ACYP2: variants seen among roughly 807,000 people sequenced by gnomAD.
The protein encoded by ACYP2 is acylphosphatase-2.
In ACYP2, 12 loss-of-function variants were observed where a neutral mutation model predicts 11.2. The observed-to-expected ratio is 1.08, with a 90% CI of 0.69 to 1.74. ACYP2 has a LOEUF of 1.74. Ranked by LOEUF, ACYP2 falls within the 40% of genes most tolerant of loss-of-function variation. ACYP2 has a pLI of 0.00. For missense variants in ACYP2, 134 were observed against 101.9 expected, an observed-to-expected ratio of 1.31 and a Z score of -1.35; for synonymous variants, 43 against 32.2, an observed-to-expected ratio of 1.33 and a Z score of -1.13.
intron 6 of ACYP2, among the ~76,000 whole-genome samples, chr2:54,169,001 G>A (rs1683121766): frequency 6.6e-6 from 1 of 152,192 alleles, no homozygotes; most frequent in Non-Finnish European, 1.5e-5. Context: ...GTTGGGATTT[G>A]TAAAGCTTGG....
chr2:54,118,332 C>G (rs6713088), intron 4 of ACYP2, among the ~76,000 whole-genome samples: 72,537 of 152,052 alleles, frequency 0.48, 17,401 homozygotes, highest in African/African-American at 0.52. Flanking sequence ...CCACTAGAGA[C>G]AAATGGCAGT....
intron 6 of ACYP2, among the ~76,000 whole-genome samples, chr2:54,157,241 C>CT (rs908532613): frequency 1.9e-4 from 29 of 152,062 alleles, no homozygotes; most frequent in African/African-American, 7.0e-4. Context: ...AATATAATCC[C>CT]TTATTATTTT....
chr2:54,220,021 G>A (rs1685737918), intron 6 of ACYP2, among the ~76,000 whole-genome samples: 1 of 150,578 alleles, frequency 6.6e-6, no homozygotes, highest in South Asian at 2.1e-4. Context: ...GATTACAGGT[G>A]CAAGCCACCA....
At chr2:54,136,054 G>A (rs765512156) in intron 5 of ACYP2, among the ~76,000 whole-genome samples, 12 of 151,996 alleles carry the variant, frequency 7.9e-5, no homozygotes, top group Non-Finnish European at 1.0e-4. Flanking sequence ...TGCCTGCTAC[G>A]ACATCCAGCT....
At chr2:54,009,850 T>A (rs1379907449) in intron 2 of ACYP2, among the ~76,000 whole-genome samples, 1 of 152,202 alleles carries the variant, frequency 6.6e-6, no homozygotes, top group Non-Finnish European at 1.5e-5. Context: ...ATGAATTATC[T>A]ATTTAAACCT....
At chr2:54,289,144 A>G (rs1689200219) in intron 6 of ACYP2, among the ~76,000 whole-genome samples, 1 of 152,086 alleles carries the variant, frequency 6.6e-6, no homozygotes. Flanking sequence ...TGTCAGCAAA[A>G]TTGAGCACAC....
chr2:54,129,857 T>C (rs892733671), intron 4 of ACYP2, among the ~76,000 whole-genome samples: 17 of 148,358 alleles, frequency 1.1e-4, no homozygotes, highest in African/African-American at 3.7e-4. Context: ...ATAAATATAA[T>C]ATATAATCAA....
chr2:54,045,797 C>G (rs1052857696), intron 2 of ACYP2, among the ~76,000 whole-genome samples: 1 of 151,634 alleles, frequency 6.6e-6, no homozygotes, highest in Non-Finnish European at 1.5e-5. Context: ...GCCTGGGTGA[C>G]AGAGTGAGAC....
chr2:54,273,311 T>C (rs1688398378), intron 6 of ACYP2, among the ~76,000 whole-genome samples: 1 of 152,230 alleles, frequency 6.6e-6, no homozygotes, highest in Admixed American at 6.5e-5. Context: ...GAAGATATAC[T>C]ACAATACTAG....
chr2:54,081,494 C>T (rs6706299), intron 4 of ACYP2, among the ~76,000 whole-genome samples: 7,005 of 152,120 alleles, frequency 0.046, 560 homozygotes, highest in African/African-American at 0.16. Context: ...TATTCAGTAC[C>T]GTCACATACT....
At chr2:54,105,434 C>A (rs766304567) in intron 4 of ACYP2, among the ~76,000 whole-genome samples, 2 of 152,070 alleles carry the variant, frequency 1.3e-5, no homozygotes, top group Non-Finnish European at 2.9e-5. Context: ...CCCAGACAAC[C>A]TCTCTAAGCC....
intron 6 of ACYP2, among the ~76,000 whole-genome samples, chr2:54,145,566 C>A (rs779075194): frequency 6.6e-6 from 1 of 152,102 alleles, no homozygotes; most frequent in Non-Finnish European, 1.5e-5. Context: ...TACCCACTTT[C>A]AATAACAGTA....
At chr2:54,133,941 C>T (rs1337907159) in intron 4 of ACYP2, among the ~76,000 whole-genome samples, 2 of 152,124 alleles carry the variant, frequency 1.3e-5, no homozygotes, top group Non-Finnish European at 2.9e-5. Context: ...TATAGTTTTG[C>T]AGGCTGGGTA....
At chr2:54,121,757 A>C (rs1680171679) in intron 4 of ACYP2, among the ~76,000 whole-genome samples, 1 of 152,226 alleles carries the variant, frequency 6.6e-6, no homozygotes, top group Admixed American at 6.5e-5. Context: ...TTATCCTTTT[A>C]ATCATTCTGC....
chr2:54,149,387 A>G (rs192683452), intron 6 of ACYP2, among the ~76,000 whole-genome samples: 130 of 152,334 alleles, frequency 8.5e-4, no homozygotes, highest in African/African-American at 2.8e-3. Flanking sequence ...TATTTTCTCA[A>G]AAAGAATGAC....
intron 4 of ACYP2, among the ~76,000 whole-genome samples, chr2:54,125,855 G>T (rs1217572876): frequency 6.6e-6 from 1 of 152,098 alleles, no homozygotes; most frequent in South Asian, 2.1e-4. Context: ...GCCGAGGTGG[G>T]CAATCACTTG....
intron 4 of ACYP2, among the ~76,000 whole-genome samples, chr2:54,073,476 G>C (rs748081517): frequency 2.7e-4 from 41 of 152,168 alleles, no homozygotes; most frequent in Non-Finnish European, 4.9e-4. Context: ...GAAAGGCAAT[G>C]CTTTCTTGGG....
chr2:54,166,270 A>T (rs75227594), intron 6 of ACYP2, among the ~76,000 whole-genome samples: 1 of 152,182 alleles, frequency 6.6e-6, no homozygotes, highest in Non-Finnish European at 1.5e-5. Context: ...GCAAGCATTT[A>T]TTCATTCCAC....
chr2:54,267,190 GA>G, intron 6 of ACYP2: 1 of 1,198,246 alleles, frequency 8.3e-7, no homozygotes, highest in Non-Finnish European at 1.2e-6. Context: ...TTTTCATCAA[GA>G]AAATGTTTTT....
Sources: allele counts gnomAD v4.1 joint callset (sites outside exome capture counted in the v4.1 genomes callset), GRCh38; gene constraint gnomAD v4.1.1; transcripts MANE v1.5; gene names NCBI Gene and HGNC (gene_info 2026-07-23, HGNC 2026-07-21).